Variants in LRRC28 observed in about 807,000 individuals in gnomAD.
The protein encoded by LRRC28 is leucine-rich repeat-containing protein 28.
Under a neutral mutation model 45.7 loss-of-function variants are expected in LRRC28, and 39 were observed. The observed-to-expected ratio is 0.85, with a 90% confidence interval of 0.66 to 1.12. LRRC28 has a LOEUF of 1.12. Ranked by LOEUF, LRRC28 falls within the 50% of genes most tolerant of loss-of-function variation. The pLI is 0.00. For synonymous variants in LRRC28, 206 were observed against 178.8 expected (o/e 1.15, Z -1.22); for missense variants, 435 against 438.5 (o/e 0.99, Z 0.07).
intron 9 of LRRC28, among the ~76,000 whole-genome samples, chr15:99,382,307 C>T (rs752122342): frequency 9.2e-5 from 14 of 152,342 alleles, no homozygotes; most frequent in Middle Eastern, 3.4e-3. Flanking sequence ...AGCGAGGCTC[C>T]GTGGGCATGG....
intron 6 of LRRC28, among the ~76,000 whole-genome samples, chr15:99,334,674 T>G (rs566934609): frequency 6.6e-6 from 1 of 152,276 alleles, no homozygotes; most frequent in Admixed American, 6.5e-5. Flanking sequence ...AGCTGACCCA[T>G]TTTGACATAT....
chr15:99,346,815 G>A (rs1438898088), intron 6 of LRRC28, among the ~76,000 whole-genome samples: 2 of 151,916 alleles, frequency 1.3e-5, no homozygotes, highest in Non-Finnish European at 2.9e-5. Flanking sequence ...ACCTGTATGC[G>A]GGGTACACAT....
intron 7 of LRRC28, chr15:99,355,419 A>C (rs1957018182): frequency 6.6e-6 from 1 of 152,214 alleles, no homozygotes; most frequent in Non-Finnish European, 1.5e-5. Context: ...AACCCTATTC[A>C]CAGTAGGAGG....
rs1480802598 is a variant in LRRC28, at chr15:99,363,265, G to A, written c.1031G>A (p.Trp344Ter). The change falls in exon 9 of 10, where the codon TGG (tryptophan) becomes TAG (stop). Residue 344 changes from tryptophan to a stop codon, truncating the protein, a stop_gained and splice_region_variant. Transcript: ENST00000301981. LOFTEE classifies it high-confidence loss of function. ...ACGCCAATGGCAGGGCTGCACCAGTGGTAATCATGCCTAAGTGGGCACCAG... is the reference window on the plus strand; with the variant it reads ...ACGCCAATGGCAGGGCTGCACCAGTAGTAATCATGCCTAAGTGGGCACCAG... ...RETPMAGLHQ[W>*]KTTVSFVAYC... 2 of 1,613,692 alleles carry A rather than the reference G, an allele frequency of 1.2e-6. No individual in the cohort carries two copies. Among genetic ancestry groups the A allele is most frequent in the African/African-American group, 2.7e-5 (2 of 75,016 alleles).
intron 6 of LRRC28, among the ~76,000 whole-genome samples, chr15:99,334,833 A>G (rs772315549): frequency 6.6e-6 from 1 of 152,210 alleles, no homozygotes; most frequent in African/African-American, 2.4e-5. Flanking sequence ...CACAATAAGC[A>G]TCATATGATT....
At chr15:99,267,841 G>T (rs2081371775) in intron 2 of LRRC28, among the ~76,000 whole-genome samples, 1 of 152,102 alleles carries the variant, frequency 6.6e-6, no homozygotes, top group South Asian at 2.1e-4. Context: ...GTGATTCCTT[G>T]TCAAATAATT....
chr15:99,252,024 A>G (rs1475526587), intron 1 of LRRC28: 1 of 152,102 alleles, frequency 6.6e-6, no homozygotes, highest in Non-Finnish European at 1.5e-5. Flanking sequence ...ATACTCCTTA[A>G]TATGTGTGGA....
intron 5 of LRRC28, among the ~76,000 whole-genome samples, chr15:99,301,919 TC>T (rs1954984304): frequency 6.6e-6 from 1 of 152,190 alleles, no homozygotes; most frequent in African/African-American, 2.4e-5. Context: ...CAATGTGTGT[TC>T]CATACATCAC....
At chr15:99,371,499 C>T (rs1044409815) in intron 9 of LRRC28, among the ~76,000 whole-genome samples, 4 of 152,216 alleles carry the variant, frequency 2.6e-5, no homozygotes, top group Admixed American at 6.5e-5. Flanking sequence ...CTCCCACTCA[C>T]TAGTAGTTTA....
chr15:99,356,430 A>G (rs1208689956), intron 7 of LRRC28, among the ~76,000 whole-genome samples: 1 of 152,256 alleles, frequency 6.6e-6, no homozygotes, highest in Non-Finnish European at 1.5e-5. Context: ...ACTTCATGGC[A>G]GAATGGTTGG....
At chr15:99,292,459 G>T (rs924542199) in intron 5 of LRRC28, among the ~76,000 whole-genome samples, 1 of 149,588 alleles carries the variant, frequency 6.7e-6, no homozygotes, top group Admixed American at 6.7e-5. Context: ...CCGCTTCCCG[G>T]GTTCATGCCA....
chr15:99,340,694 A>G (rs1440270204), intron 6 of LRRC28, among the ~76,000 whole-genome samples: 1 of 152,238 alleles, frequency 6.6e-6, no homozygotes, highest in Non-Finnish European at 1.5e-5. Context: ...AGTATGGACA[A>G]AAAGTCCGAG....
intron 5 of LRRC28, among the ~76,000 whole-genome samples, chr15:99,305,569 C>G (rs1037829333): frequency 5.3e-5 from 8 of 152,108 alleles, no homozygotes; most frequent in African/African-American, 1.7e-4. Flanking sequence ...AATTCTAACA[C>G]TTTCAGGATT....
intron 9 of LRRC28, among the ~76,000 whole-genome samples, chr15:99,370,025 G>A (rs535010837): frequency 7.2e-5 from 11 of 152,344 alleles, no homozygotes; most frequent in African/African-American, 2.6e-4. Flanking sequence ...AGTACTGTAA[G>A]ATAGGTACTA....
intron 2 of LRRC28, among the ~76,000 whole-genome samples, chr15:99,260,641 A>G (rs1271490733): frequency 6.6e-6 from 1 of 152,212 alleles, no homozygotes; most frequent in Non-Finnish European, 1.5e-5. Context: ...ACAGTTTTTG[A>G]CAACAGGTAA....
chr15:99,269,967 T>A (rs1246291736), intron 2 of LRRC28, among the ~76,000 whole-genome samples: 9 of 152,248 alleles, frequency 5.9e-5, no homozygotes, highest in Non-Finnish European at 1.2e-4. Context: ...CTTCATTCTG[T>A]ACCATTAGCC....
At chr15:99,259,714 A>T in intron 2 of LRRC28, 7 of 1,426,734 alleles carry the variant, frequency 4.9e-6, no homozygotes, top group Non-Finnish European at 5.9e-6. Flanking sequence ...TGCTTCGACG[A>T]ATTAAGGAAG....
intron 9 of LRRC28, among the ~76,000 whole-genome samples, chr15:99,381,093 G>C (rs1410787385): frequency 6.6e-6 from 1 of 152,130 alleles, no homozygotes; most frequent in Non-Finnish European, 1.5e-5. Flanking sequence ...TGCTTGGTTG[G>C]GGAATTTCTC....
chr15:99,268,591 C>T (rs547138682), intron 2 of LRRC28, among the ~76,000 whole-genome samples: 6 of 152,236 alleles, frequency 3.9e-5, no homozygotes, highest in South Asian at 4.1e-4. Flanking sequence ...TTAGTCCCAT[C>T]GAATCAGTCA....
Sources: gnomAD v4.1 joint callset for allele counts (sites outside exome capture counted in the v4.1 genomes callset) on GRCh38, gnomAD v4.1.1 for gene constraint, MANE v1.5 for transcripts, NCBI Gene and HGNC (gene_info 2026-07-23, HGNC 2026-07-21) for gene names.